IFNGR2: variants seen among roughly 807,000 people sequenced by gnomAD.
IFNGR2 encodes IFN-gamma receptor 2.
A neutral mutation model predicts 41.1 loss-of-function variants in IFNGR2; 15 were observed. The observed-to-expected ratio is 0.37, with a 90% CI of 0.24 to 0.56. The LOEUF (loss-of-function observed/expected upper bound fraction) is 0.56, where lower values mean the gene tolerates loss of function less well. Ranked by LOEUF, IFNGR2 falls within the 20% of genes least tolerant of loss-of-function variation. The pLI is 0.81. For synonymous variants in IFNGR2, 161 were observed against 171.6 expected (o/e 0.94, Z 0.48); for missense variants, 362 against 415.7 (o/e 0.87, Z 1.12).
At chr21:33,415,866 G>A (rs1029087062) in intron 2 of IFNGR2, among the ~76,000 whole-genome samples, 1 of 152,150 alleles carries the variant, frequency 6.6e-6, no homozygotes, top group African/African-American at 2.4e-5. Flanking sequence ...GTGTCTGTTT[G>A]TTGTTGTTGT....
At chr21:33,416,777 G>A (rs538748830) in intron 2 of IFNGR2, among the ~76,000 whole-genome samples, 6 of 148,914 alleles carry the variant, frequency 4.0e-5, no homozygotes, top group Admixed American at 2.0e-4. Context: ...AACCGAGATC[G>A]TGCCACTGCA....
At chr21:33,410,019 T>C (rs899691510) in intron 1 of IFNGR2, among the ~76,000 whole-genome samples, 1 of 152,110 alleles carries the variant, frequency 6.6e-6, no homozygotes, top group East Asian at 1.9e-4. Flanking sequence ...GCAGGGTCCA[T>C]TTTATGGGCG....
intron 3 of IFNGR2, among the ~76,000 whole-genome samples, chr21:33,422,573 T>C (rs562683783): frequency 1.4e-4 from 21 of 152,102 alleles, no homozygotes; most frequent in Admixed American, 1.4e-3. Context: ...CAATAAAAAA[T>C]TGGGGGAATA....
At chr21:33,434,646 A>G (rs188142572) in intron 6 of IFNGR2, among the ~76,000 whole-genome samples, 20 of 152,316 alleles carry the variant, frequency 1.3e-4, no homozygotes, top group Admixed American at 1.2e-3. Context: ...CAGAGGTTAG[A>G]TAAGGTCCAA....
rs1568956632 is a variant in IFNGR2, at chr21:33,421,540, C to G, written c.267C>G (p.Ile89Met). ...CCATAGGGGTGAATTGTACACAGAT[C>G]ACAGCAACAGAGTGTGACTTCACTG... ...IMSIGVNCTQ[I>M]TATECDFTAA... is the part of the protein sequence containing the mutation. The change falls in exon 3 of 7, where the codon ATC (isoleucine) becomes ATG (methionine). Residue 89 changes from isoleucine to methionine, a missense_variant. Transcript: ENST00000290219. 6.2e-7 allele frequency: 1 copy of G among 1,614,030 alleles called. No homozygotes were observed. The highest frequency in any genetic ancestry group is 1.1e-5 in the South Asian group (1 of 91,084).
intron 1 of IFNGR2, among the ~76,000 whole-genome samples, chr21:33,403,927 C>A (rs956125527): frequency 3.9e-5 from 6 of 152,022 alleles, no homozygotes; most frequent in African/African-American, 1.4e-4. Flanking sequence ...GGGGGGCACC[C>A]CTCCTGGCGT....
rs770051303 is a variant in IFNGR2, at chr21:33,436,943, A to C, written c.995A>C (p.Asp332Ala). The C allele has an allele frequency of 6.2e-7, 1 of 1,614,016 alleles. No homozygotes were observed. The highest frequency in any genetic ancestry group is 8.5e-7 in the Non-Finnish European group (1 of 1,179,968). Reference sequence around the variant, plus strand: ...TCGTTTCCGGAAAAGGAGCAAGAAGATGTTCTCCAAACGCTTTGAACCAAA... The same window carrying C: ...TCGTTTCCGGAAAAGGAGCAAGAAGCTGTTCTCCAAACGCTTTGAACCAAA... ...IISFPEKEQE[D>A]VLQTL The change falls in exon 7 of 7, where the codon GAT (aspartate) becomes GCT (alanine). Residue 332 changes from aspartate to alanine, a missense_variant. Physicochemically the swap from Asp to Ala is moderately radical, Grantham distance 126. Transcript: ENST00000290219.
intron 1 of IFNGR2, chr21:33,410,987 CG>C: frequency 2.2e-6 from 2 of 929,220 alleles, no homozygotes; most frequent in Non-Finnish European, 1.7e-6. Context: ...TGTTTCCCAT[CG>C]GGGGCCATGT....
At chr21:33,420,309 A>C (rs189799349) in intron 2 of IFNGR2, among the ~76,000 whole-genome samples, 1 of 151,958 alleles carries the variant, frequency 6.6e-6, no homozygotes, top group Admixed American at 6.6e-5. Context: ...TTGTAGGGGG[A>C]TACTGTCCGC....
intron 2 of IFNGR2, 62 bp downstream of exon 2, chr21:33,415,082 G>A (rs1214702079): frequency 6.3e-7 from 1 of 1,589,720 alleles, no homozygotes; most frequent in Non-Finnish European, 8.6e-7. Context: ...CGGAACCCTG[G>A]GGCCACATAC....
chr21:33,411,437 C>T (rs1220778137), intron 1 of IFNGR2: 8 of 470,790 alleles, frequency 1.7e-5, no homozygotes, highest in Non-Finnish European at 3.1e-5. Context: ...CTGTTGGTTC[C>T]TCCCCAGAGA....
chr21:33,406,341 C>T (rs2083677505), intron 1 of IFNGR2, among the ~76,000 whole-genome samples: 1 of 151,908 alleles, frequency 6.6e-6, no homozygotes, highest in Admixed American at 6.6e-5. Context: ...TGCAACTGCA[C>T]TCCAGCCTGG....
intron 2 of IFNGR2, among the ~76,000 whole-genome samples, chr21:33,419,624 T>A (rs1321735182): frequency 6.6e-6 from 1 of 152,152 alleles, no homozygotes; most frequent in Non-Finnish European, 1.5e-5. Flanking sequence ...ATCACATGTG[T>A]TGTATTTAAC....
intron 1 of IFNGR2, among the ~76,000 whole-genome samples, chr21:33,408,613 A>C (rs2083694668): frequency 6.6e-6 from 1 of 152,200 alleles, no homozygotes; most frequent in Non-Finnish European, 1.5e-5. Flanking sequence ...ACTGGTTGTT[A>C]AATGGTCCTA....
At chr21:33,426,788 TATATAC>T in intron 3 of IFNGR2, 90 bp from the exon 4 acceptor site, 1 of 650,308 alleles carries the variant, frequency 1.5e-6, no homozygotes, top group Non-Finnish European at 2.5e-6. Flanking sequence ...TATATATATA[TATATAC>T]ATATATATAT....
In IFNGR2 at chr21:33,436,873, G is replaced by A; in HGVS notation, c.925G>A (p.Asp309Asn). The part of the protein sequence containing the change: ...TQPILEALDK[D>N]SSPKDDVWDS... Reference sequence around the variant, plus strand: ...GCCCATCTTAGAGGCCTTGGACAAGGACAGCTCACCAAAGGATGACGTCTG... The same window carrying A: ...GCCCATCTTAGAGGCCTTGGACAAGAACAGCTCACCAAAGGATGACGTCTG... Residue 309 changes from aspartate to asparagine, a missense_variant, in exon 7 of 7, where the codon GAC (aspartate) becomes AAC (asparagine). By Grantham distance (23) the Asp-to-Asn change is conservative (BLOSUM62 1). Transcript: ENST00000290219. The A allele has an allele frequency of 6.2e-7, 1 of 1,614,044 alleles. No individual in the cohort carries two copies. The highest frequency in any genetic ancestry group is 8.5e-7 in the Non-Finnish European group (1 of 1,179,936).
At chr21:33,430,838 C>G (rs1039455952) in intron 4 of IFNGR2, among the ~76,000 whole-genome samples, 11 of 152,160 alleles carry the variant, frequency 7.2e-5, no homozygotes, top group Non-Finnish European at 1.6e-4. Flanking sequence ...GCCTTGTCTT[C>G]CCATGTTTTC....
intron 3 of IFNGR2, among the ~76,000 whole-genome samples, chr21:33,424,605 G>C (rs1225120255): frequency 6.6e-6 from 1 of 152,108 alleles, no homozygotes. Context: ...GGTTGGAGGG[G>C]GCAGGCTTTA....
chr21:33,413,739 T>C (rs1371582769), intron 1 of IFNGR2, among the ~76,000 whole-genome samples: 1 of 151,870 alleles, frequency 6.6e-6, no homozygotes, highest in East Asian at 1.9e-4. Flanking sequence ...TGTGGTTGTT[T>C]CTTCCAGGTC....
Sources: allele counts gnomAD v4.1 joint callset (sites outside exome capture counted in the v4.1 genomes callset), GRCh38; gene constraint gnomAD v4.1.1; transcripts MANE v1.5; gene names NCBI Gene and HGNC (gene_info 2026-07-23, HGNC 2026-07-21).